Variants in EPRS1 observed in about 807,000 individuals in gnomAD.
The protein encoded by EPRS1 is bifunctional glutamate/proline--tRNA ligase.
A neutral mutation model predicts 188.3 loss-of-function variants in EPRS1; 107 were observed. The observed-to-expected ratio is 0.57, with a 90% CI of 0.49 to 0.67. The LOEUF (loss-of-function observed/expected upper bound fraction) is 0.67, where lower values mean the gene tolerates loss of function less well. EPRS1 is among the 30% of genes least tolerant of loss of function. EPRS1 has a pLI of 0.00. For synonymous variants in EPRS1, 596 were observed against 593.1 expected (o/e 1.00, Z -0.07); for missense variants, 1,577 against 1,802.2 (o/e 0.88, Z 2.26).
At chr1:219,987,681 T>G (rs184932465) in intron 19 of EPRS1, among the ~76,000 whole-genome samples, 175 of 143,206 alleles carry the variant, frequency 1.2e-3, no homozygotes, top group African/African-American at 4.2e-3. Flanking sequence ...CAGAGGGGTT[T>G]GGGGTAGGTG....
At position 220,024,316 on chromosome 1, in the gene EPRS1, T is replaced by C. The variant is rs747065786; in HGVS notation, c.891A>G (p.Glu297=). The change falls in exon 8 of 32, where the codon GAA becomes GAG. Residue 297 remains glutamate, a synonymous_variant. Coordinates refer to ENST00000366923, the MANE Select transcript of EPRS1 (RefSeq NM_004446.3). ...GKAYVDDTPA[E]QMKAEREQRI... is the part of the protein sequence containing the mutation. ...TCTGCTCACGTTCTGCTTTCATCTG[T>C]TCAGCAGGAGTATCATCCACATAAG... 1 of 1,613,110 alleles carries C rather than the reference T, an allele frequency of 6.2e-7. No homozygotes were observed. The highest frequency in any genetic ancestry group is 8.5e-7 in the Non-Finnish European group (1 of 1,179,558).
Position 220,011,002 on chromosome 1 carries a change from G to T in EPRS1, c.1549C>A (p.Pro517Thr), listed in dbSNP as rs201028439. The T allele has an allele frequency of 1.4e-4, 224 of 1,613,456 alleles. No homozygotes were observed. The highest frequency in any genetic ancestry group is 8.2e-4 in the Middle Eastern group (5 of 6,084). Reference sequence around the variant, plus strand: ...TCCTGAGCTTCAGGTACATTCACTGGGATCACTTCTTTCTTCAGTAATGCA... The same window carrying T: ...TCCTGAGCTTCAGGTACATTCACTGTGATCACTTCTTTCTTCAGTAATGCA... ...YVALLKKEVI[P>T]VNVPEAQEEM... The change falls in exon 13 of 32, where the codon CCA becomes ACA. Residue 517 changes from proline to threonine, a missense_variant. Physicochemically the swap from Pro to Thr is conservative, Grantham distance 38 (BLOSUM62 -1). Around this residue, in one of 3 missense-constraint regions of EPRS1, gnomAD observed 1,278 missense variants for 1,457.4 expected, o/e 0.88. Transcript: ENST00000366923.
rs760365391 is a variant in EPRS1, at chr1:220,010,936, T to G, written c.1605+10A>C. 1 of 1,518,262 alleles carries G rather than the reference T, an allele frequency of 6.6e-7. No individual in the cohort carries two copies. The highest frequency in any genetic ancestry group is 1.7e-5 in the Admixed American group (1 of 59,768). The allele number at this position is 1,518,262 out of a possible 1,614,324, so 94.0% of individuals were successfully genotyped here. ...AGAGAGAAACACATTGGTGAAACTG[T>G]AAGAGTGACCTTTGGGTGTTTGGCT... On this transcript the variant is annotated intron_variant, in intron 13 of 31. Transcript: ENST00000366923.
rs550169803 is a variant in EPRS1, at chr1:220,012,111, C to T, written c.1495-1055G>A. On this transcript the variant is annotated intron_variant, in intron 12 of 31. Coordinates refer to ENST00000366923, the MANE Select transcript of EPRS1 (RefSeq NM_004446.3). ...AAGCCATCCTCAGAGAGGTCATTCACGCAAAGTTTGAAAAGCTATTTAACT... is the reference window on the plus strand; with the variant it reads ...AAGCCATCCTCAGAGAGGTCATTCATGCAAAGTTTGAAAAGCTATTTAACT... 1.6e-4 allele frequency among the ~76,000 whole-genome samples: 25 copies of T among 152,236 alleles called. No homozygotes were observed. The South Asian group carries it at 2.7e-3, about 16-fold the overall frequency.
intron 9 of EPRS1, among the ~76,000 whole-genome samples, chr1:220,021,793 G>A (rs1034533328): frequency 2.6e-5 from 4 of 151,776 alleles, no homozygotes; most frequent in Admixed American, 2.6e-4. Flanking sequence ...TTTTAATTCA[G>A]CATTTATGTG....
At chr1:220,006,381 C>A in intron 14 of EPRS1, 68 bp from the exon 15 acceptor site, 2 of 485,170 alleles carry the variant, frequency 4.1e-6, no homozygotes, top group Non-Finnish European at 6.6e-6. Context: ...TTATTTTGTT[C>A]TATAATAATT....
chr1:220,038,923 A>G (rs1662242335), intron 2 of EPRS1, among the ~76,000 whole-genome samples: 1 of 152,096 alleles, frequency 6.6e-6, no homozygotes, highest in Non-Finnish European at 1.5e-5. Context: ...GCTGGGATTG[A>G]CTGACCTTTC....
intron 16 of EPRS1, 87 bp from the exon 17 acceptor site, chr1:220,001,342 T>A (rs1661347588): frequency 2.5e-6 from 2 of 785,738 alleles, no homozygotes; most frequent in Non-Finnish European, 2.3e-6. Context: ...ATAAATTCAA[T>A]GGCACTAAGT....
rs1420770436 is a variant in EPRS1 at position 220,010,803 on chromosome 1, C to G, written c.1605+143G>C. On this transcript the variant is annotated intron_variant, in intron 13 of 31. Transcript: ENST00000366923. ...CCAGCCTGGAGACATAGCAAGACTACGTCTCAAAAAAAAAAAAAAAAAGAA... is the reference window on the plus strand; with the variant it reads ...CCAGCCTGGAGACATAGCAAGACTAGGTCTCAAAAAAAAAAAAAAAAAGAA... The G allele has an allele frequency of 1.2e-5, 6 of 481,492 alleles. No individual in the cohort carries two copies. In the South Asian group the frequency reaches 1.3e-4, roughly 10 times the overall value. 29.8% of individuals were successfully genotyped at this position (481,492 alleles called of 1,614,324 possible).
In EPRS1 at chr1:220,046,443, G is replaced by T. The variant is rs1662404851; in HGVS notation, c.-55C>A. 1.9e-6 allele frequency: 3 copies of T among 1,608,332 alleles called. No homozygotes were observed. The highest frequency in any genetic ancestry group is 2.5e-6 in the Non-Finnish European group (3 of 1,177,830). On this transcript the variant is annotated 5_prime_UTR_variant, in exon 1 of 32. Transcript: ENST00000366923. ...TACGCCTGGCTCGTGCCAGAACTAC[G>T]GAGGACCCCGCGAAAGGAAGAAGAT...
chr1:220,033,534 A>T lies in EPRS1; in HGVS notation c.356T>A (p.Leu119Ter). Reference protein sequence around the residue: ...RTYLVGNSLSLADLCVWATLK... With the variant: ...RTYLVGNSLS ...GGTGGCCCAAACACATAAATCTGCTAAACTCAAGGAGTTTCCAACTAAGTA... is the reference window on the plus strand; with the variant it reads ...GGTGGCCCAAACACATAAATCTGCTTAACTCAAGGAGTTTCCAACTAAGTA... The change falls in exon 4 of 32, where the codon TTA (leucine) becomes TAA (stop). Residue 119 changes from leucine to a stop codon, truncating the protein, a stop_gained. Coordinates refer to ENST00000366923, the MANE Select transcript of EPRS1 (RefSeq NM_004446.3). LOFTEE classifies it high-confidence loss of function. 1 of 1,612,242 alleles carries T rather than the reference A, an allele frequency of 6.2e-7. No homozygotes were observed. Among genetic ancestry groups the T allele is most frequent in the Non-Finnish European group, 8.5e-7 (1 of 1,178,912 alleles).
At position 220,022,426 on chromosome 1, in the gene EPRS1, T is replaced by C. The variant is rs139768868; in HGVS notation, c.1036A>G (p.Ser346Gly). 8.1e-6 allele frequency: 13 copies of C among 1,613,994 alleles called. No homozygotes were observed. The highest frequency in any genetic ancestry group is 1.0e-5 in the Non-Finnish European group (12 of 1,179,946). Residue 346 changes from serine (S) to glycine (G), a missense_variant, in exon 9 of 32, where the codon AGT becomes GGT. Physicochemically the swap from Ser to Gly is moderately conservative, Grantham distance 56. Around this residue, in one of 3 missense-constraint regions of EPRS1, gnomAD observed 1,278 missense variants for 1,457.4 expected, o/e 0.88. Transcript: ENST00000366923. Reference protein sequence around the residue: ...CCLRAKIDMSSNNGCMRDPTL... With the variant: ...CCLRAKIDMSGNNGCMRDPTL... ...GGATCTCTCATGCATCCATTGTTACTACTCATGTCAATTTTTGCTCGCAAA... is the reference window on the plus strand; with the variant it reads ...GGATCTCTCATGCATCCATTGTTACCACTCATGTCAATTTTTGCTCGCAAA...
At position 220,046,455 on chromosome 1, in the gene EPRS1, GA is replaced by G; in HGVS notation, c.-68del. On this transcript the variant is annotated 5_prime_UTR_variant, in exon 1 of 32. Coordinates refer to ENST00000366923, the MANE Select transcript of EPRS1 (RefSeq NM_004446.3). Reference sequence around the variant, plus strand: ...GTGCCAGAACTACGGAGGACCCCGCGAAAGGAAGAAGATGCAACGTGTGCGC... The same window carrying G: ...GTGCCAGAACTACGGAGGACCCCGCGAAGGAAGAAGATGCAACGTGTGCGC... The G allele has an allele frequency of 6.2e-7, 1 of 1,600,068 alleles. No homozygotes were observed. The highest frequency in any genetic ancestry group is 8.5e-7 in the Non-Finnish European group (1 of 1,174,408).
chr1:219,981,815 G>A (rs2133195), intron 23 of EPRS1, among the ~76,000 whole-genome samples: 70,576 of 152,070 alleles, frequency 0.46, 16,447 homozygotes, highest in South Asian at 0.53. Context: ...TCATTGACCT[G>A]TTCAATTCTC....
rs562332706 is a variant in EPRS1 at position 220,029,477 on chromosome 1, G to A, written c.623+909C>T. On this transcript the variant is annotated intron_variant, in intron 6 of 31. Transcript: ENST00000366923. ...TTTGTGAAGAAGTATTAAATACATC[G>A]CTAAAAGAAAATTGTTTCTGTATCT... Among the ~76,000 whole-genome samples the A allele has an allele frequency of 1.2e-4, 18 of 152,242 alleles. No homozygotes were observed. The South Asian group carries it at 1.7e-3, about 14-fold the overall frequency.
chr1:220,045,267 A>T (rs1267034921), intron 1 of EPRS1, among the ~76,000 whole-genome samples: 1 of 152,204 alleles, frequency 6.6e-6, no homozygotes, highest in Non-Finnish European at 1.5e-5. Context: ...TGGGAGGCCA[A>T]GTCAGGATGG....
chr1:219,969,461 T>C (rs1349776516), intron 30 of EPRS1, among the ~76,000 whole-genome samples: 2 of 152,150 alleles, frequency 1.3e-5, no homozygotes, highest in Non-Finnish European at 2.9e-5. Flanking sequence ...AAACCTGGAC[T>C]ACACCTGCTC....
At chr1:220,023,855 T>C (rs1396054951) in intron 8 of EPRS1, among the ~76,000 whole-genome samples, 3 of 152,178 alleles carry the variant, frequency 2.0e-5, no homozygotes, top group African/African-American at 7.2e-5. Context: ...CCCAAATGTA[T>C]TTAAACTAGC....
chr1:220,029,740 A>G (rs1401190914), intron 6 of EPRS1, among the ~76,000 whole-genome samples: 1 of 152,238 alleles, frequency 6.6e-6, no homozygotes, highest in African/African-American at 2.4e-5. Flanking sequence ...CTTGTCCAGT[A>G]TACTTCAAAT....
Sources: gnomAD v4.1 joint callset for allele counts (sites outside exome capture counted in the v4.1 genomes callset) on GRCh38, gnomAD v4.1.1 for gene constraint, gnomAD v4.1.1 regional missense constraint, MANE v1.5 for transcripts, NCBI Gene and HGNC (gene_info 2026-07-23, HGNC 2026-07-21) for gene names.